PLIN3: variants seen among roughly 807,000 people sequenced by gnomAD.
PLIN3 encodes perilipin-3.
Under a neutral mutation model 35.9 loss-of-function variants are expected in PLIN3, and 30 were observed. That is an observed-to-expected ratio of 0.84 (90% confidence interval 0.62 to 1.13). The LOEUF (loss-of-function observed/expected upper bound fraction) is 1.13, where lower values mean the gene tolerates loss of function less well. Among genes scored for constraint, PLIN3 ranks in the 50% most tolerant of loss-of-function variants. PLIN3 has a pLI of 0.00. For synonymous variants in PLIN3, 261 were observed against 262.5 expected, an observed-to-expected ratio of 0.99 and a Z score of 0.06; for missense variants, 603 against 596.9, an observed-to-expected ratio of 1.01 and a Z score of -0.11.
At chr19:4,856,008 G>A (rs2030462838) in intron 4 of PLIN3, among the ~76,000 whole-genome samples, 2 of 151,852 alleles carry the variant, frequency 1.3e-5, no homozygotes, top group Non-Finnish European at 2.9e-5. Flanking sequence ...AGGTGAGGAA[G>A]TCTAACCATG....
rs1330058423 is a variant in PLIN3 at position 4,852,256 on chromosome 19, C to T, written c.394G>A (p.Ala132Thr). ...KELVSSKVSGAQEMVSSAKDT... is the reference protein window; with the variant it reads ...KELVSSKVSGTQEMVSSAKDT... ...TTGGCGCTAGACACCATCTCTTGGG[C>T]CCCCGACACCTTAGACGACACAAGC... Residue 132 changes from alanine (A) to threonine (T), a missense_variant, in exon 5 of 8, where the codon GCC (alanine) becomes ACC (threonine). Ala to Thr is a moderately conservative substitution (Grantham distance 58). Transcript: ENST00000221957. 1.9e-6 allele frequency: 3 copies of T among 1,606,656 alleles called. No individual in the cohort carries two copies. The highest frequency in any genetic ancestry group is 2.2e-5 in the East Asian group (1 of 44,892).
rs1249414108 is a variant in PLIN3, at chr19:4,859,676, CCAA to C, written c.266-7_266-5del. 3.6e-5 allele frequency: 58 copies of C among 1,613,896 alleles called. No individual in the cohort carries two copies. Among genetic ancestry groups the C allele is most frequent in the Non-Finnish European group, 4.6e-5 (54 of 1,179,892 alleles). On this transcript the variant is annotated splice_region_variant and splice_polypyrimidine_tract_variant and intron_variant, in intron 3 of 7. Transcript: ENST00000221957. ...GCGTATTCGCTGGCTGATGCAACTG[CCAA>C]CAACAATTAAGACGCAAATGTGACT... is the stretch of plus-strand genomic sequence containing the variant.
intron 1 of PLIN3, among the ~76,000 whole-genome samples, chr19:4,862,966 G>C (rs2030722955): frequency 6.6e-6 from 1 of 151,676 alleles, no homozygotes; most frequent in African/African-American, 2.4e-5. Flanking sequence ...AGTCCAGCCT[G>C]GCCAACATAG....
chr19:4,856,039 G>A (rs1307571802), intron 4 of PLIN3, among the ~76,000 whole-genome samples: 4 of 151,988 alleles, frequency 2.6e-5, no homozygotes, highest in Non-Finnish European at 4.4e-5. Flanking sequence ...ACAGCTCCCC[G>A]GCATACAGTA....
chr19:4,855,695 A>G (rs1272811697), intron 4 of PLIN3, among the ~76,000 whole-genome samples: 1 of 151,836 alleles, frequency 6.6e-6, no homozygotes, highest in African/African-American at 2.4e-5. Context: ...GGCGTGAGCC[A>G]CCGTGCCTGG....
At chr19:4,853,556 A>G (rs1036430630) in intron 4 of PLIN3, among the ~76,000 whole-genome samples, 1 of 152,010 alleles carries the variant, frequency 6.6e-6, no homozygotes, top group South Asian at 2.1e-4. Context: ...AACTCCTGAC[A>G]TCAGGGGATC....
intron 7 of PLIN3, among the ~76,000 whole-genome samples, chr19:4,840,801 C>T (rs998761304): frequency 2.0e-5 from 3 of 152,076 alleles, no homozygotes; most frequent in Non-Finnish European, 2.9e-5. Context: ...CAAAATTAGC[C>T]GGGTGTGGTG....
chr19:4,840,730 T>C (rs1444677444), intron 7 of PLIN3, among the ~76,000 whole-genome samples: 1 of 152,168 alleles, frequency 6.6e-6, no homozygotes, highest in Non-Finnish European at 1.5e-5. Flanking sequence ...GGTGCGTGGA[T>C]CACCGAGGTC....
At chr19:4,844,106 T>C (rs566823264) in intron 7 of PLIN3, among the ~76,000 whole-genome samples, 1 of 151,844 alleles carries the variant, frequency 6.6e-6, no homozygotes, top group South Asian at 2.1e-4. Context: ...GCGAGACCCA[T>C]TAGAGAACAC....
intron 7 of PLIN3, among the ~76,000 whole-genome samples, chr19:4,843,387 A>G (rs1599158334): frequency 6.6e-6 from 1 of 152,054 alleles, no homozygotes; most frequent in South Asian, 2.1e-4. Context: ...GGGCGCCTGT[A>G]GTCCCAGATA....
At chr19:4,853,485 C>T (rs1243519325) in intron 4 of PLIN3, among the ~76,000 whole-genome samples, 1 of 151,842 alleles carries the variant, frequency 6.6e-6, no homozygotes, top group Non-Finnish European at 1.5e-5. Flanking sequence ...GCCACCATGC[C>T]GAGCCGATTT....
At position 4,839,294 on chromosome 19, in the gene PLIN3, C is replaced by G. The variant is rs917821076; in HGVS notation, c.1203G>C (p.Leu401=). ...RERVASAREA[L]DHMVEYVAQN... ...GGGCCACATATTCCACCATGTGGTC[C>G]AGGGCCTCGCGGGCGCTGGCGACAC... The change falls in exon 8 of 8, where the codon CTG becomes CTC. Residue 401 remains leucine, a synonymous_variant. Coordinates refer to ENST00000221957, the MANE Select transcript of PLIN3 (RefSeq NM_005817.5). 6.2e-7 allele frequency: 1 copy of G among 1,613,956 alleles called. No individual in the cohort carries two copies. Among genetic ancestry groups the G allele is most frequent in the African/African-American group, 1.3e-5 (1 of 74,922 alleles).
intron 3 of PLIN3, 69 bp from the exon 4 acceptor site, chr19:4,859,741 G>T (rs1284938255): frequency 4.4e-6 from 7 of 1,598,280 alleles, no homozygotes; most frequent in Non-Finnish European, 6.0e-6. Context: ...AGGGGGACAG[G>T]ACCAAGAGCT....
At position 4,847,569 on chromosome 19, in the gene PLIN3, A is replaced by G. The variant is rs953885699; in HGVS notation, c.834+122T>C. ...GTGTACAACCAGATACAGTGCCAGG[A>G]GCAAGCGGGAATGGCCCTGCCAGCC... On this transcript the variant is annotated intron_variant, in intron 6 of 7. Coordinates refer to ENST00000221957, the MANE Select transcript of PLIN3 (RefSeq NM_005817.5). 22 of 790,052 alleles carry G rather than the reference A, an allele frequency of 2.8e-5. No individual in the cohort carries two copies. In the Admixed American group the frequency reaches 4.8e-4, roughly 17 times the overall value. 48.9% of individuals were successfully genotyped at this position (790,052 alleles called of 1,614,324 possible). A position where few individuals can be genotyped will look rare whatever the true frequency, so the allele number is the denominator to read the frequency against.
chr19:4,851,992 G>A, intron 5 of PLIN3, 24 bp downstream of exon 5: 1 of 1,603,004 alleles, frequency 6.2e-7, no homozygotes, highest in Non-Finnish European at 8.5e-7. Flanking sequence ...AGGGGTCCCA[G>A]AGCAGCCCGC....
At chr19:4,844,395 G>A (rs2030013473) in intron 7 of PLIN3, among the ~76,000 whole-genome samples, 1 of 152,140 alleles carries the variant, frequency 6.6e-6, no homozygotes, top group Non-Finnish European at 1.5e-5. Context: ...GAACCCAGGA[G>A]GTGGAGGTTG....
At position 4,860,799 on chromosome 19, in the gene PLIN3, C is replaced by T. The variant is rs1489764973; in HGVS notation, c.66+530G>A. Among the ~76,000 whole-genome samples, 3 of 152,020 alleles carry T rather than the reference C, an allele frequency of 2.0e-5. No individual in the cohort carries two copies. The East Asian group carries it at 5.9e-4, about 30-fold the overall frequency. ...TAGCCTGGCCAACATGGTGAAACTC[C>T]GTCTCTACTAAAAATACAAAAATTA... On this transcript the variant is annotated intron_variant, in intron 2 of 7. Coordinates refer to ENST00000221957, the MANE Select transcript of PLIN3 (RefSeq NM_005817.5).
intron 4 of PLIN3, among the ~76,000 whole-genome samples, chr19:4,859,044 C>A (rs567329267): frequency 1.7e-3 from 253 of 152,126 alleles, no homozygotes; most frequent in Non-Finnish European, 3.0e-3. Flanking sequence ...TGCCGCCAAC[C>A]TTTTCTGACT....
chr19:4,849,215 T>C (rs977631788), intron 5 of PLIN3, among the ~76,000 whole-genome samples: 3 of 152,098 alleles, frequency 2.0e-5, no homozygotes, highest in African/African-American at 7.2e-5. Context: ...TCAAGCAATC[T>C]GCTCGCCTCA....
Sources: gnomAD v4.1 joint callset for allele counts (sites outside exome capture counted in the v4.1 genomes callset) on GRCh38, gnomAD v4.1.1 for gene constraint, MANE v1.5 for transcripts, NCBI Gene and HGNC (gene_info 2026-07-23, HGNC 2026-07-21) for gene names.